Variants in TRIM34 observed in about 807,000 individuals in gnomAD.
TRIM34 encodes E3 ubiquitin-protein ligase TRIM34.
A neutral mutation model predicts 38.1 loss-of-function variants in TRIM34; 41 were observed. That is an observed-to-expected ratio of 1.08 (90% CI 0.84 to 1.40). The LOEUF (loss-of-function observed/expected upper bound fraction) is 1.40, where lower values mean the gene tolerates loss of function less well. Ranked by LOEUF, TRIM34 falls within the 40% of genes most tolerant of loss-of-function variation. TRIM34 has a pLI of 0.00. For synonymous variants in TRIM34, 200 were observed against 202.5 expected (o/e 0.99, Z 0.10); for missense variants, 556 against 571.4 (o/e 0.97, Z 0.27).
intron 5 of TRIM34, 133 bp downstream of exon 5, chr11:5,641,322 T>C: frequency 6.5e-7 from 1 of 1,546,656 alleles, no homozygotes; most frequent in Non-Finnish European, 8.8e-7. Flanking sequence ...TTATCTTAAA[T>C]TGCTGGTCCC....
upstream of TRIM34, among the ~76,000 whole-genome samples, chr11:5,621,458 T>C (rs1848989571): frequency 6.6e-6 from 1 of 152,242 alleles, no homozygotes; most frequent in South Asian, 2.1e-4. Flanking sequence ...TGGAAATAGC[T>C]GCATATTCTT....
At chr11:5,622,504 C>T (rs967538929), upstream of TRIM34, among the ~76,000 whole-genome samples, 1 of 151,536 alleles carries the variant, frequency 6.6e-6, no homozygotes, top group Non-Finnish European at 1.5e-5. Flanking sequence ...TGCCTGTAAT[C>T]CCAGCTACTC....
intron 4 of TRIM34, among the ~76,000 whole-genome samples, chr11:5,637,714 A>T (rs1849806147): frequency 6.6e-6 from 1 of 152,120 alleles, no homozygotes; most frequent in Admixed American, 6.5e-5. Flanking sequence ...CCAAACTGAA[A>T]CTGTACCCAT....
At chr11:5,640,833 G>A (rs1167029787) in intron 4 of TRIM34, among the ~76,000 whole-genome samples, 1 of 151,992 alleles carries the variant, frequency 6.6e-6, no homozygotes, top group African/African-American at 2.4e-5. Context: ...ACATGTTTTA[G>A]GCCTATTCAT....
Position 5,632,364 on chromosome 11 carries a change from G to A in TRIM34, c.33G>A (p.Glu11=), listed in dbSNP as rs1468222114. 1 of 1,613,986 alleles carries A rather than the reference G, an allele frequency of 6.2e-7. No individual in the cohort carries two copies. The highest frequency in any genetic ancestry group is 8.5e-7 in the Non-Finnish European group (1 of 1,180,030). ...CAAAAATCTTGCTTAACGTACAAGA[G>A]GAGGTGACCTGTCCCATCTGCCTGG... The part of the protein sequence containing the change: MASKILLNVQ[E]EVTCPICLEL... The change falls in exon 2 of 8, where the codon GAG becomes GAA. Residue 11 remains glutamate, a synonymous_variant. Coordinates refer to ENST00000429814, the MANE Select transcript of TRIM34 (RefSeq NM_021616.6).
Position 5,642,516 on chromosome 11 carries a change from A to G in TRIM34, c.874+10A>G. The G allele has an allele frequency of 1.2e-6, 2 of 1,613,380 alleles. No individual in the cohort carries two copies. Among genetic ancestry groups the G allele is most frequent in the Non-Finnish European group, 1.7e-6 (2 of 1,179,618 alleles). ...CTGCAAATGTTTAGAGGTGAGGAGA[A>G]GCAGACAAAGACTGTGGATGTGGGA... On this transcript the variant is annotated intron_variant, in intron 6 of 7. Coordinates refer to ENST00000429814, the MANE Select transcript of TRIM34 (RefSeq NM_021616.6).
chr11:5,631,551 T>C (rs1849482008), intron 1 of TRIM34, among the ~76,000 whole-genome samples: 1 of 152,188 alleles, frequency 6.6e-6, no homozygotes, highest in African/African-American at 2.4e-5. Flanking sequence ...CTCCATATTG[T>C]GGTCATTGCT....
chr11:5,631,194 CAAG>C (rs887861386), intron 1 of TRIM34, among the ~76,000 whole-genome samples: 10 of 152,118 alleles, frequency 6.6e-5, no homozygotes, highest in Non-Finnish European at 4.4e-5. Context: ...TCCTTCAGGC[CAAG>C]AAGAAATCCT....
At chr11:5,635,008 C>A in intron 4 of TRIM34, 147 bp downstream of exon 4, 1 of 783,066 alleles carries the variant, frequency 1.3e-6, no homozygotes, top group Non-Finnish European at 1.9e-6. Flanking sequence ...ACATGAATGA[C>A]ATTTTTATTA....
chr11:5,643,107 T>TCATATA (rs1286260755), intron 7 of TRIM34, 37 bp from the exon 8 acceptor site: 2 of 856,258 alleles, frequency 2.3e-6, no homozygotes, highest in African/African-American at 5.0e-5. Flanking sequence ...ATGATTATAT[T>TCATATA]CATATACATA....
In TRIM34 at chr11:5,642,863, T is replaced by C. The variant is rs1850075947; in HGVS notation, c.901+20T>C. On this transcript the variant is annotated intron_variant, in intron 7 of 7. Transcript: ENST00000429814. The stretch of plus-strand genomic sequence containing the variant: ...ACTGGGGTAAGAAAAAGTTAGTCTT[T>C]AAATAACTGTTTTCCAATTACCTTT... 3 of 1,613,820 alleles carry C rather than the reference T, an allele frequency of 1.9e-6. No homozygotes were observed. In the East Asian group the frequency reaches 6.7e-5, roughly 36 times the overall value.
chr11:5,621,793 G>C (rs1432227504), upstream of TRIM34, among the ~76,000 whole-genome samples: 1 of 152,124 alleles, frequency 6.6e-6, no homozygotes, highest in African/African-American at 2.4e-5. Context: ...TCAAAAGAAT[G>C]CAACAGGTTG....
chr11:5,637,681 C>T (rs1297860145), intron 4 of TRIM34, among the ~76,000 whole-genome samples: 2 of 152,016 alleles, frequency 1.3e-5, no homozygotes, highest in Non-Finnish European at 2.9e-5. Context: ...AAGTGGGATC[C>T]CTCTCTGGAC....
At chr11:5,638,708 G>C (rs1479733117) in intron 4 of TRIM34, among the ~76,000 whole-genome samples, 4 of 152,300 alleles carry the variant, frequency 2.6e-5, no homozygotes, top group African/African-American at 9.6e-5. Context: ...AACAGCTTAT[G>C]TTTTAGATAT....
rs745336901 is a variant in TRIM34 at position 5,643,229 on chromosome 11, G to C, written c.987G>C (p.Trp329Cys). 1 of 1,613,250 alleles carries C rather than the reference G, an allele frequency of 6.2e-7. No individual in the cohort carries two copies. The change falls in exon 8 of 8, where the codon TGG (tryptophan) becomes TGC (cysteine). Residue 329 changes from tryptophan (W) to cysteine (C), a missense_variant. Transcript: ENST00000429814. ...GACAAGTGATATCTGTGCCAATTTG[G>C]CCTTTTCAGTGTTATAATTATGGTG... ...DQRQVISVPI[W>C]PFQCYNYGVL...
intron 4 of TRIM34, among the ~76,000 whole-genome samples, chr11:5,636,804 T>C (rs1849753192): frequency 6.6e-6 from 1 of 152,230 alleles, no homozygotes; most frequent in African/African-American, 2.4e-5. Context: ...TAGGAACTTA[T>C]TCTTTTATCT....
chr11:5,638,713 A>C (rs556956181), intron 4 of TRIM34, among the ~76,000 whole-genome samples: 21 of 152,210 alleles, frequency 1.4e-4, no homozygotes, highest in Non-Finnish European at 2.8e-4. Context: ...CTTATGTTTT[A>C]GATATTCTTA....
intron 3 of TRIM34, among the ~76,000 whole-genome samples, chr11:5,634,153 C>T (rs1439411560): frequency 2.0e-5 from 3 of 152,138 alleles, no homozygotes; most frequent in East Asian, 3.9e-4. Flanking sequence ...TTCCATTGCT[C>T]TTTTCCAACG....
chr11:5,623,929 T>C (rs1849094080), upstream of TRIM34, among the ~76,000 whole-genome samples: 1 of 152,186 alleles, frequency 6.6e-6, no homozygotes, highest in Admixed American at 6.5e-5. Context: ...TATTATGTAA[T>C]GTGCTCTACA....
Sources: gnomAD v4.1 joint callset for allele counts (sites outside exome capture counted in the v4.1 genomes callset) on GRCh38, gnomAD v4.1.1 for gene constraint, MANE v1.5 for transcripts, NCBI Gene and HGNC (gene_info 2026-07-23, HGNC 2026-07-21) for gene names.